Variants in DIP2C observed in about 807,000 individuals in gnomAD.
The protein encoded by DIP2C is disco-interacting protein 2 homolog C.
DIP2C carries 33 observed loss-of-function variants against 192.4 expected under a neutral mutation model. The observed-to-expected ratio is 0.17, with a 90% CI of 0.13 to 0.23. The LOEUF (loss-of-function observed/expected upper bound fraction) is 0.23, where lower values mean the gene tolerates loss of function less well. Ranked by LOEUF, DIP2C falls within the 10% of genes least tolerant of loss-of-function variation. The pLI, the probability that DIP2C is intolerant of heterozygous loss-of-function variation, is 1.00. For missense variants in DIP2C, 1,537 were observed against 2,110.1 expected (o/e 0.73, Z 5.32); for synonymous variants, 979 against 864.1 (o/e 1.13, Z -2.33).
At chr10:374,975 TTCCAGGAGGGACCATCTCAGTGATC>T (rs1380193099) in intron 17 of DIP2C, among the ~76,000 whole-genome samples, 1 of 152,224 alleles carries the variant, frequency 6.6e-6, no homozygotes, top group East Asian at 1.9e-4. Flanking sequence ...AGAATATGGA[TTCCAGGAGGGACCATCTCAGTGATC>T]TCCAGGAATG....
intron 33 of DIP2C, 138 bp from the exon 34 acceptor site, chr10:286,485 C>T (rs1409567306): frequency 2.7e-6 from 2 of 734,762 alleles, no homozygotes; most frequent in Non-Finnish European, 4.7e-6. Flanking sequence ...CTATATGCCA[C>T]ATAGTTATGA....
chr10:639,854 C>T (rs1161031035), intron 1 of DIP2C, among the ~76,000 whole-genome samples: 1 of 152,192 alleles, frequency 6.6e-6, no homozygotes, highest in Non-Finnish European at 1.5e-5. Context: ...AGGAAAATCA[C>T]AGCATTATCC....
chr10:576,320 T>C (rs1850153699), intron 1 of DIP2C, among the ~76,000 whole-genome samples: 2 of 152,224 alleles, frequency 1.3e-5, no homozygotes, highest in East Asian at 1.9e-4. Context: ...GAGCACTCAC[T>C]GACTCTTGAC....
Position 429,189 on chromosome 10 carries a change from G to T in DIP2C, c.395-6156C>A, listed in dbSNP as rs182219911. On this transcript the variant is annotated intron_variant, in intron 4 of 36. Transcript: ENST00000280886. ...TGCTACTAAAAAATCCTCCTGCTTT[G>T]CCTATTCATCCCTGCCTCCCCCCGG... Among the ~76,000 whole-genome samples, 575 of 151,110 alleles carry T rather than the reference G, an allele frequency of 3.8e-3. 3 individuals are homozygous for T. The highest frequency in any genetic ancestry group is 6.5e-3 in the Non-Finnish European group (441 of 67,734).
intron 9 of DIP2C, among the ~76,000 whole-genome samples, chr10:406,036 CAT>C (rs1964782934): frequency 1.3e-5 from 2 of 152,212 alleles, no homozygotes; most frequent in Non-Finnish European, 2.9e-5. Flanking sequence ...AGCCTCTTTA[CAT>C]ATTTCATCAA....
chr10:375,647 C>G (rs1244768310), intron 17 of DIP2C, among the ~76,000 whole-genome samples: 1 of 152,150 alleles, frequency 6.6e-6, no homozygotes, highest in Non-Finnish European at 1.5e-5. Flanking sequence ...CTTGAAGTAG[C>G]AGCTCCTATA....
At chr10:313,072 A>G (rs533670150) in intron 31 of DIP2C, among the ~76,000 whole-genome samples, 1 of 152,340 alleles carries the variant, frequency 6.6e-6, no homozygotes, top group East Asian at 1.9e-4. Context: ...GGAGATAAAG[A>G]GGTAAGATAT....
At chr10:502,336 T>C (rs987234192) in intron 1 of DIP2C, among the ~76,000 whole-genome samples, 1 of 152,150 alleles carries the variant, frequency 6.6e-6, no homozygotes, top group Admixed American at 6.5e-5. Flanking sequence ...AAAACCACCA[T>C]GAGTGTTCAA....
chr10:533,266 T>G (rs1360323237), intron 1 of DIP2C, among the ~76,000 whole-genome samples: 1 of 152,012 alleles, frequency 6.6e-6, no homozygotes, highest in African/African-American at 2.4e-5. Context: ...CGTGTTAGAA[T>G]CATCACCACC....
At chr10:537,791 G>A (rs993811227) in intron 1 of DIP2C, among the ~76,000 whole-genome samples, 2 of 142,128 alleles carry the variant, frequency 1.4e-5, no homozygotes, top group Admixed American at 6.7e-5. Flanking sequence ...TTTCGTCTGC[G>A]AATTTTTTTT....
chr10:546,956 C>T (rs1290698279), intron 1 of DIP2C, among the ~76,000 whole-genome samples: 2 of 152,206 alleles, frequency 1.3e-5, no homozygotes, highest in Non-Finnish European at 2.9e-5. Flanking sequence ...TTTCAGGCCA[C>T]ACCTGCAAAT....
intron 3 of DIP2C, among the ~76,000 whole-genome samples, chr10:451,933 CT>C (rs1281646275): frequency 7.1e-6 from 1 of 140,406 alleles, no homozygotes; most frequent in Non-Finnish European, 1.5e-5. Flanking sequence ...GGTCAAAAAA[CT>C]GAGAAAACAG....
At chr10:414,210 C>G in intron 7 of DIP2C, 100 bp from the exon 8 acceptor site, 1 of 1,347,872 alleles carries the variant, frequency 7.4e-7, no homozygotes, top group Non-Finnish European at 1.0e-6. Context: ...TATACTTAAG[C>G]TGTACATTTA....
chr10:467,499 T>C (rs1312476607), intron 3 of DIP2C, among the ~76,000 whole-genome samples: 1 of 138,626 alleles, frequency 7.2e-6, no homozygotes, highest in Non-Finnish European at 1.5e-5. Context: ...ACCTGCACAA[T>C]GTGCACATGT....
chr10:541,192 C>A (rs374923752), intron 1 of DIP2C, among the ~76,000 whole-genome samples: 7 of 152,118 alleles, frequency 4.6e-5, no homozygotes, highest in East Asian at 1.9e-4. Context: ...CGTTCTACCA[C>A]GCAACATTCA....
chr10:605,799 C>G (rs1432095715), intron 1 of DIP2C, among the ~76,000 whole-genome samples: 1 of 152,212 alleles, frequency 6.6e-6, no homozygotes, highest in Non-Finnish European at 1.5e-5. Flanking sequence ...CAAGGAAGCT[C>G]AGAAGGCTGG....
chr10:528,245 T>C (rs1176170358), intron 1 of DIP2C, among the ~76,000 whole-genome samples: 3 of 151,706 alleles, frequency 2.0e-5, no homozygotes, highest in African/African-American at 7.3e-5. Context: ...CACCAAGACA[T>C]AAAAACAAAA....
intron 29 of DIP2C, among the ~76,000 whole-genome samples, chr10:330,968 T>C (rs562162961): frequency 6.9e-6 from 1 of 144,066 alleles, no homozygotes; most frequent in African/African-American, 2.6e-5. Flanking sequence ...CACAACACTA[T>C]GCCTGGCTAA....
At chr10:547,135 G>C (rs540728884) in intron 1 of DIP2C, among the ~76,000 whole-genome samples, 3 of 152,156 alleles carry the variant, frequency 2.0e-5, no homozygotes, top group Admixed American at 1.3e-4. Context: ...TTCTCATTCA[G>C]AACATTCCAG....
Sources: allele counts gnomAD v4.1 joint callset (sites outside exome capture counted in the v4.1 genomes callset), GRCh38; gene constraint gnomAD v4.1.1; transcripts MANE v1.5; gene names NCBI Gene and HGNC (gene_info 2026-07-23, HGNC 2026-07-21).